Variants in CYFIP2 observed in about 807,000 individuals in gnomAD.
CYFIP2 encodes the protein cytoplasmic FMR1 interacting protein 2, also known as cytoplasmic FMR1-interacting protein 2.
CYFIP2 carries 29 observed loss-of-function variants against 158.7 expected under a neutral mutation model. That is an observed-to-expected ratio of 0.18 (90% CI 0.14 to 0.25). CYFIP2 has a LOEUF of 0.25. CYFIP2 is among the 10% of genes least tolerant of loss of function. The probability of loss-of-function intolerance (pLI) is 1.00; values close to 1 mark genes in which losing one functional copy is unlikely to be tolerated. For missense variants in CYFIP2, 852 were observed against 1,639.5 expected (o/e 0.52, Z 8.29); for synonymous variants, 585 against 617.6 (o/e 0.95, Z 0.78).
In CYFIP2 at chr5:157,309,848, G is replaced by A. The variant is rs764403490; in HGVS notation, c.992+14G>A. ...GAACAAGTCCAAGTGAGTGCCTGCC[G>A]TAATGTCTCTCGGCTCCCGCAAGGA... On this transcript the variant is annotated intron_variant, in intron 10 of 30. Coordinates refer to ENST00000620254, the MANE Select transcript of CYFIP2 (RefSeq NM_001037333.3). 16 of 1,577,384 alleles carry A rather than the reference G, an allele frequency of 1.0e-5. No individual in the cohort carries two copies. Among genetic ancestry groups the A allele is most frequent in the East Asian group, 9.3e-5 (4 of 43,022 alleles).
chr5:157,307,729 A>G (rs756473642), intron 8 of CYFIP2, 32 bp from the exon 9 acceptor site: 3 of 1,395,936 alleles, frequency 2.1e-6, no homozygotes, highest in East Asian at 4.6e-5. Context: ...AGATGTGATT[A>G]GTTTCTATGC....
intron 22 of CYFIP2, among the ~76,000 whole-genome samples, chr5:157,340,663 G>A (rs1247651465): frequency 6.6e-6 from 1 of 152,220 alleles, no homozygotes; most frequent in Non-Finnish European, 1.5e-5. Context: ...TTGAGTACTT[G>A]CAACAGAGAC....
intron 23 of CYFIP2, among the ~76,000 whole-genome samples, chr5:157,358,474 G>A (rs1000647969): frequency 3.3e-5 from 5 of 152,180 alleles, no homozygotes; most frequent in Non-Finnish European, 7.3e-5. Context: ...AAAACTGTAG[G>A]TGGTTGTCCC....
intron 3 of CYFIP2, among the ~76,000 whole-genome samples, chr5:157,288,065 C>A (rs2113851026): frequency 6.6e-6 from 1 of 152,242 alleles, no homozygotes; most frequent in Admixed American, 6.5e-5. Context: ...TGCATTCCAG[C>A]CTGGGCAACA....
chr5:157,367,829 A>C (rs1180784714), intron 26 of CYFIP2, among the ~76,000 whole-genome samples: 3 of 142,438 alleles, frequency 2.1e-5, no homozygotes, highest in African/African-American at 5.3e-5. Context: ...ATCTCGGCTC[A>C]CTGTAACCTC....
chr5:157,339,140 G>A lies in CYFIP2; in HGVS notation c.2469G>A (p.Met823Ile), dbSNP rs1413796917. 8 of 1,613,928 alleles carry A rather than the reference G, an allele frequency of 5.0e-6. No homozygotes were observed. Among genetic ancestry groups the A allele is most frequent in the Non-Finnish European group, 6.8e-6 (8 of 1,179,912 alleles). ...TGACGCTGGACAGCTTCGATGCCAT[G>A]TTCCGAGAGGCCAATCACAATGTGT... ...KHMTLDSFDA[M>I]FREANHNVSA... Residue 823 changes from methionine (M) to isoleucine (I), a missense_variant, in exon 22 of 31, where the codon ATG (methionine) becomes ATA (isoleucine). Met to Ile is a conservative substitution (Grantham distance 10, BLOSUM62 1). Transcript: ENST00000620254.
chr5:157,270,734 C>T (rs1196358786), intron 1 of CYFIP2, among the ~76,000 whole-genome samples: 1 of 152,176 alleles, frequency 6.6e-6, no homozygotes, highest in African/African-American at 2.4e-5. Flanking sequence ...GAACTCTCCT[C>T]AGATTCTTAT....
intron 6 of CYFIP2, 89 bp downstream of exon 6, chr5:157,300,985 C>A: frequency 8.3e-7 from 1 of 1,204,434 alleles, no homozygotes; most frequent in Non-Finnish European, 1.1e-6. Flanking sequence ...TGGAGCCCCT[C>A]TCACCTGCTT....
intron 11 of CYFIP2, among the ~76,000 whole-genome samples, chr5:157,312,204 T>C (rs1435047413): frequency 6.6e-6 from 1 of 151,928 alleles, no homozygotes; most frequent in Non-Finnish European, 1.5e-5. Flanking sequence ...GTTTTAAAAC[T>C]AAACAGTAAT....
chr5:157,331,631 A>G (rs1048415631), intron 20 of CYFIP2, among the ~76,000 whole-genome samples: 2 of 152,148 alleles, frequency 1.3e-5, no homozygotes, highest in African/African-American at 2.4e-5. Flanking sequence ...AAGAGGGGGG[A>G]AAAATAGAAT....
intron 14 of CYFIP2, 88 bp from the exon 15 acceptor site, chr5:157,320,566 TG>T: frequency 6.5e-7 from 1 of 1,543,436 alleles, no homozygotes; most frequent in Non-Finnish European, 8.8e-7. Flanking sequence ...TGGGTGTTCC[TG>T]GGACACCACG....
chr5:157,388,313 A>G (rs1766900112), intron 28 of CYFIP2, among the ~76,000 whole-genome samples: 1 of 152,256 alleles, frequency 6.6e-6, no homozygotes, highest in Non-Finnish European at 1.5e-5. Context: ...TGCAGTAGCC[A>G]GAACCCAGAT....
At chr5:157,300,676 G>A (rs577191699) in intron 5 of CYFIP2, 39 bp from the exon 6 acceptor site, 8 of 1,460,352 alleles carry the variant, frequency 5.5e-6, no homozygotes, top group East Asian at 2.5e-5. Context: ...CCCCATAAGG[G>A]AGCACAGTGG....
intron 5 of CYFIP2, among the ~76,000 whole-genome samples, chr5:157,300,310 G>T (rs1339650619): frequency 3.3e-5 from 5 of 152,066 alleles, no homozygotes; most frequent in Non-Finnish European, 7.4e-5. Context: ...GCCGAGGCAG[G>T]TGGGTCACAA....
chr5:157,304,375 C>T lies in CYFIP2; in HGVS notation c.795+9C>T. On this transcript the variant is annotated intron_variant, in intron 8 of 30. Coordinates refer to ENST00000620254, the MANE Select transcript of CYFIP2 (RefSeq NM_001037333.3). ...AACATATGCTCCTCAAGGTAAAACT[C>T]CCCTGAGGCCGCACCCATGGAGCCT... 4 of 1,612,042 alleles carry T rather than the reference C, an allele frequency of 2.5e-6. No individual in the cohort carries two copies. Among genetic ancestry groups the T allele is most frequent in the South Asian group, 1.1e-5 (1 of 90,982 alleles).
chr5:157,298,621 C>T (rs1758448632), intron 5 of CYFIP2, among the ~76,000 whole-genome samples: 1 of 151,892 alleles, frequency 6.6e-6, no homozygotes. Context: ...TCTGGGATTA[C>T]AGACATGAGC....
At chr5:157,322,478 C>T (rs11134687) in intron 15 of CYFIP2, among the ~76,000 whole-genome samples, 48,868 of 152,146 alleles carry the variant, frequency 0.32, 8,668 homozygotes, top group African/African-American at 0.48. Flanking sequence ...TGGATATCAA[C>T]TGGACAGCAC....
intron 1 of CYFIP2, among the ~76,000 whole-genome samples, chr5:157,272,858 T>C (rs1756220801): frequency 6.6e-6 from 1 of 152,216 alleles, no homozygotes; most frequent in African/African-American, 2.4e-5. Context: ...AATACTTGTC[T>C]TTTTATTTAT....
At chr5:157,385,865 G>C (rs571687693) in intron 28 of CYFIP2, among the ~76,000 whole-genome samples, 4 of 152,002 alleles carry the variant, frequency 2.6e-5, no homozygotes, top group African/African-American at 9.6e-5. Flanking sequence ...CTATCCCCTT[G>C]TTAAACTCAC....
Sources: gnomAD v4.1 joint callset for allele counts (sites outside exome capture counted in the v4.1 genomes callset) on GRCh38, gnomAD v4.1.1 for gene constraint, MANE v1.5 for transcripts, NCBI Gene and HGNC (gene_info 2026-07-23, HGNC 2026-07-21) for gene names.